The following GRIP1 variants were observed in gnomAD, a reference collection of about 807,000 sequenced individuals.
GRIP1 encodes glutamate receptor interacting protein 1, also known as glutamate receptor-interacting protein 1.
Under a neutral mutation model 129.9 loss-of-function variants are expected in GRIP1, and 45 were observed. That is an observed-to-expected ratio of 0.35 (90% CI 0.27 to 0.44). The LOEUF is 0.44. Ranked by LOEUF, GRIP1 falls within the 20% of genes least tolerant of loss-of-function variation. The pLI, the probability that GRIP1 is intolerant of heterozygous loss-of-function variation, is 1.00. For missense variants in GRIP1, 1,196 were observed against 1,396.8 expected, an observed-to-expected ratio of 0.86 and a Z score of 2.29; for synonymous variants, 530 against 520.8, an observed-to-expected ratio of 1.02 and a Z score of -0.24.
chr12:66,564,598 T>C (rs1330445914), intron 2 of GRIP1, among the ~76,000 whole-genome samples: 2 of 152,202 alleles, frequency 1.3e-5, no homozygotes, highest in African/African-American at 4.8e-5. Context: ...TGTGTGCATG[T>C]GTCTTTATAG....
chr12:66,596,936 G>T lies in GRIP1; in HGVS notation c.56-9C>A. 1 of 1,586,716 alleles carries T rather than the reference G, an allele frequency of 6.3e-7. No homozygotes were observed. The highest frequency in any genetic ancestry group is 8.7e-7 in the Non-Finnish European group (1 of 1,155,030). On this transcript the variant is annotated splice_polypyrimidine_tract_variant and intron_variant, in intron 1 of 24. Coordinates refer to ENST00000359742, the MANE Select transcript of GRIP1 (RefSeq NM_001366722.1). ...AGTGTAGGGACTCTCATCTGCAAAG[G>T]TACAATGAAGCGTTTGGTTAATTTC...
chr12:66,403,577 T>G (rs1377183158), intron 16 of GRIP1, among the ~76,000 whole-genome samples: 1 of 152,210 alleles, frequency 6.6e-6, no homozygotes, highest in African/African-American at 2.4e-5. Context: ...GAGTATATAT[T>G]TCTGTATATC....
At chr12:67,036,304 T>C (rs950277396) in intron 1 of GRIP1, among the ~76,000 whole-genome samples, 5 of 151,904 alleles carry the variant, frequency 3.3e-5, no homozygotes, top group African/African-American at 7.3e-5. Flanking sequence ...TAAATGAGTA[T>C]AATCATAAAT....
At chr12:66,414,726 C>G (rs139310162) in intron 15 of GRIP1, among the ~76,000 whole-genome samples, 1 of 151,586 alleles carries the variant, frequency 6.6e-6, no homozygotes, top group African/African-American at 2.4e-5. Context: ...CAAAACAGCA[C>G]GGTACTGGTA....
intron 1 of GRIP1, among the ~76,000 whole-genome samples, chr12:66,816,914 A>G (rs1458047150): frequency 6.6e-6 from 1 of 152,126 alleles, no homozygotes; most frequent in African/African-American, 2.4e-5. Context: ...TATACTAGAG[A>G]ACTGTGGGGT....
chr12:66,736,116 C>T (rs974162959), intron 1 of GRIP1, among the ~76,000 whole-genome samples: 1 of 152,148 alleles, frequency 6.6e-6, no homozygotes, highest in African/African-American at 2.4e-5. Flanking sequence ...CCAAACTTCA[C>T]TAAGAGCTTA....
At chr12:66,613,876 G>A (rs2064923979) in intron 1 of GRIP1, among the ~76,000 whole-genome samples, 1 of 152,132 alleles carries the variant, frequency 6.6e-6, no homozygotes, top group African/African-American at 2.4e-5. Flanking sequence ...CACAGTATTA[G>A]GTACCATCCA....
intron 15 of GRIP1, among the ~76,000 whole-genome samples, chr12:66,415,272 T>G (rs752606618): frequency 5.9e-5 from 9 of 151,620 alleles, no homozygotes; most frequent in Middle Eastern, 3.2e-3. Flanking sequence ...TACAAAGAAC[T>G]TCACTTCTCA....
At chr12:66,627,869 C>T (rs929307916) in intron 1 of GRIP1, among the ~76,000 whole-genome samples, 2 of 152,098 alleles carry the variant, frequency 1.3e-5, no homozygotes, top group African/African-American at 4.8e-5. Context: ...GGGGAGAAGC[C>T]TGCCTGCCTG....
At chr12:66,734,608 T>C (rs927558579) in intron 1 of GRIP1, among the ~76,000 whole-genome samples, 4 of 152,216 alleles carry the variant, frequency 2.6e-5, no homozygotes, top group Admixed American at 1.3e-4. Flanking sequence ...GATGGAATGA[T>C]TTGTGAGGAA....
At chr12:66,845,406 G>A (rs528337205) in intron 1 of GRIP1, among the ~76,000 whole-genome samples, 1 of 152,154 alleles carries the variant, frequency 6.6e-6, no homozygotes, top group Non-Finnish European at 1.5e-5. Flanking sequence ...GCAGTGAGCC[G>A]AGATCAGGCC....
At chr12:66,932,074 A>T (rs79368999) in intron 1 of GRIP1, among the ~76,000 whole-genome samples, 2,139 of 152,290 alleles carry the variant, frequency 0.014, 55 homozygotes, top group African/African-American at 0.048. Context: ...ATTTCCTTTC[A>T]TATCTCCATC....
At chr12:66,689,447 C>T (rs1305651835) in intron 1 of GRIP1, among the ~76,000 whole-genome samples, 1 of 152,184 alleles carries the variant, frequency 6.6e-6, no homozygotes, top group African/African-American at 2.4e-5. Context: ...CACTCACTTA[C>T]TTCTCTGTGT....
intron 11 of GRIP1, among the ~76,000 whole-genome samples, chr12:66,448,425 A>AT (rs1592343507): frequency 2.0e-5 from 3 of 152,198 alleles, no homozygotes; most frequent in South Asian, 4.2e-4. Flanking sequence ...GGCTTTCATT[A>AT]TTTTTTATTT....
At chr12:66,920,750 G>A (rs551285498) in intron 1 of GRIP1, among the ~76,000 whole-genome samples, 4 of 152,200 alleles carry the variant, frequency 2.6e-5, no homozygotes, top group East Asian at 3.9e-4. Flanking sequence ...ATCTCTACTC[G>A]GCTTACCAGT....
intron 1 of GRIP1, among the ~76,000 whole-genome samples, chr12:67,012,440 T>A (rs943252682): frequency 6.6e-6 from 1 of 152,162 alleles, no homozygotes; most frequent in Non-Finnish European, 1.5e-5. Flanking sequence ...AACTTTTGCA[T>A]TGTTAGGAGG....
chr12:66,356,743 T>G (rs906800896), intron 23 of GRIP1, among the ~76,000 whole-genome samples: 1 of 152,190 alleles, frequency 6.6e-6, no homozygotes, highest in Non-Finnish European at 1.5e-5. Flanking sequence ...CTCCAAAAAA[T>G]ATGATCACTT....
rs1360055386 is a variant in GRIP1, at chr12:66,679,063, G to A, written c.-159C>T. ...TTCCTCTTGGCTGATGCAGAGGTCC[G>A]CTACATGTCATCTGGCAAATCTGTG... On this transcript the variant is annotated 5_prime_UTR_variant, in exon 1 of 25. Coordinates refer to ENST00000359742, the MANE Select transcript of GRIP1 (RefSeq NM_001366722.1). 1.6e-5 allele frequency: 25 copies of A among 1,520,868 alleles called. No homozygotes were observed. Among genetic ancestry groups the A allele is most frequent in the Admixed American group, 4.0e-5 (2 of 50,006 alleles). 94.2% of individuals were successfully genotyped at this position (1,520,868 alleles called of 1,614,324 possible). A position where few individuals can be genotyped will look rare whatever the true frequency, so the allele number is the denominator to read the frequency against.
At chr12:66,371,130 T>G (rs2055464208) in intron 23 of GRIP1, among the ~76,000 whole-genome samples, 1 of 151,950 alleles carries the variant, frequency 6.6e-6, no homozygotes, top group African/African-American at 2.4e-5. Flanking sequence ...AGCCTCAAAT[T>G]TTTGTAAGAA....
Sources: allele counts gnomAD v4.1 joint callset (sites outside exome capture counted in the v4.1 genomes callset), GRCh38; gene constraint gnomAD v4.1.1; transcripts MANE v1.5; gene names NCBI Gene and HGNC (gene_info 2026-07-23, HGNC 2026-07-21).